Variants in KCNN2 observed in about 807,000 individuals in gnomAD.
The protein encoded by KCNN2 is small conductance calcium-activated potassium channel protein 2.
A neutral mutation model predicts 55.5 loss-of-function variants in KCNN2; 24 were observed. The ratio of observed to expected loss-of-function variants is 0.43; its 90% CI spans 0.31 to 0.61. The LOEUF (loss-of-function observed/expected upper bound fraction) is 0.61, where lower values mean the gene tolerates loss of function less well. Among genes scored for constraint, KCNN2 ranks in the 20% least tolerant of loss-of-function variants. KCNN2 has a pLI of 0.08. For synonymous variants in KCNN2, 431 were observed against 336.1 expected (o/e 1.28, Z -3.09); for missense variants, 754 against 853.6 (o/e 0.88, Z 1.45).
At chr5:114,204,338 C>T (rs1753728524) in intron 1 of KCNN2, among the ~76,000 whole-genome samples, 1 of 152,166 alleles carries the variant, frequency 6.6e-6, no homozygotes, top group Admixed American at 6.5e-5. Context: ...GCAGGAAATT[C>T]ACTTTTCCAG....
At chr5:114,167,273 AT>A (rs778873406) in intron 1 of KCNN2, among the ~76,000 whole-genome samples, 1 of 152,104 alleles carries the variant, frequency 6.6e-6, no homozygotes, top group African/African-American at 2.4e-5. Context: ...GACACATAGA[AT>A]TTTAAATAAT....
At chr5:114,391,196 A>G (rs1276137234) in intron 2 of KCNN2, among the ~76,000 whole-genome samples, 1 of 151,978 alleles carries the variant, frequency 6.6e-6, no homozygotes, top group African/African-American at 2.4e-5. Flanking sequence ...TTCCTTACCA[A>G]TTTCCCTTCC....
At chr5:114,146,668 G>C (rs1752403377) in intron 1 of KCNN2, among the ~76,000 whole-genome samples, 1 of 152,146 alleles carries the variant, frequency 6.6e-6, no homozygotes, top group African/African-American at 2.4e-5. Flanking sequence ...CCAGTGTTGA[G>C]ACAATCTCAA....
chr5:114,109,639 C>T (rs1461790503), intron 1 of KCNN2, among the ~76,000 whole-genome samples: 1 of 152,006 alleles, frequency 6.6e-6, no homozygotes, highest in Non-Finnish European at 1.5e-5. Context: ...ATTGGGAGAA[C>T]TCAGGTTTTG....
chr5:114,404,000 G>A (rs932909471), intron 2 of KCNN2, among the ~76,000 whole-genome samples: 2 of 152,142 alleles, frequency 1.3e-5, no homozygotes, highest in Non-Finnish European at 2.9e-5. Context: ...TTGCATTATA[G>A]GGTATAACTG....
intron 3 of KCNN2, among the ~76,000 whole-genome samples, chr5:114,417,642 C>T (rs996590738): frequency 6.6e-6 from 1 of 152,140 alleles, no homozygotes; most frequent in South Asian, 2.1e-4. Flanking sequence ...GAAGGTGCCA[C>T]ATTAGGCAGG....
chr5:114,423,648 T>TA lies in KCNN2; in HGVS notation c.1637+18799dup, dbSNP rs1196722706. On this transcript the variant is annotated intron_variant, in intron 3 of 7. Transcript: ENST00000673685. ...TCTTCTTGGTTGTGGGGACCATGAA[T>TA]AAAAAAATGGCATAGTGTTTGCCCT... is the stretch of plus-strand genomic sequence containing the variant. Among the ~76,000 whole-genome samples the TA allele has an allele frequency of 2.6e-5, 4 of 152,210 alleles. No individual in the cohort carries two copies. The East Asian group carries it at 7.7e-4, about 29-fold the overall frequency.
chr5:114,100,628 A>T (rs967570676), intron 1 of KCNN2, among the ~76,000 whole-genome samples: 1 of 152,088 alleles, frequency 6.6e-6, no homozygotes, highest in African/African-American at 2.4e-5. Flanking sequence ...TGCCCATCTT[A>T]AGGGCCAAGA....
chr5:114,064,864 T>C (rs1034412702), intron 1 of KCNN2, among the ~76,000 whole-genome samples: 2 of 152,152 alleles, frequency 1.3e-5, no homozygotes, highest in African/African-American at 4.8e-5. Flanking sequence ...TTATTAGTGA[T>C]AGTGAACAAA....
At chr5:114,123,489 C>G (rs140965715) in intron 1 of KCNN2, among the ~76,000 whole-genome samples, 24,124 of 114,728 alleles carry the variant, frequency 0.21, 6,887 homozygotes, top group Admixed American at 0.3. Flanking sequence ...CAGCCTCCCG[C>G]GTAGCTGGGA....
chr5:114,486,951 G>A, intron 5 of KCNN2, 99 bp from the exon 6 acceptor site: 1 of 1,404,564 alleles, frequency 7.1e-7, no homozygotes, highest in Non-Finnish European at 9.9e-7. Flanking sequence ...TGAAGCTACA[G>A]CTCACCATGA....
chr5:114,390,186 G>A (rs965853236), intron 2 of KCNN2, among the ~76,000 whole-genome samples: 1 of 152,124 alleles, frequency 6.6e-6, no homozygotes, highest in African/African-American at 2.4e-5. Flanking sequence ...TATCATTTCA[G>A]ATTAAACTTT....
chr5:114,223,738 A>G (rs1196050941), intron 2 of KCNN2, among the ~76,000 whole-genome samples: 2 of 152,168 alleles, frequency 1.3e-5, no homozygotes, highest in Non-Finnish European at 2.9e-5. Flanking sequence ...TGGTTTTTAA[A>G]GTTTAGAAGC....
intron 3 of KCNN2, among the ~76,000 whole-genome samples, chr5:114,418,836 G>A (rs1194559385): frequency 6.6e-6 from 1 of 152,170 alleles, no homozygotes; most frequent in East Asian, 1.9e-4. Flanking sequence ...AATGCACTCT[G>A]CAGATGCTGC....
chr5:114,213,398 C>CT (rs1301212417), intron 1 of KCNN2, among the ~76,000 whole-genome samples: 3,786 of 145,874 alleles, frequency 0.026, 126 homozygotes, highest in African/African-American at 0.087. Context: ...CTTGGTTTCT[C>CT]TTTTTTTTTT....
At chr5:114,430,385 T>C (rs972654073) in intron 3 of KCNN2, among the ~76,000 whole-genome samples, 4 of 152,032 alleles carry the variant, frequency 2.6e-5, no homozygotes, top group Admixed American at 6.6e-5. Context: ...ATGTAAATGG[T>C]GTTGTGTTTT....
At chr5:114,375,694 T>A (rs1023152670) in intron 2 of KCNN2, among the ~76,000 whole-genome samples, 85 of 152,044 alleles carry the variant, frequency 5.6e-4, no homozygotes, top group African/African-American at 2.0e-3. Flanking sequence ...ATCAGTAGGA[T>A]TTTAGTCAAG....
intron 2 of KCNN2, among the ~76,000 whole-genome samples, chr5:114,318,405 C>A (rs572546190): frequency 1.4e-4 from 21 of 151,792 alleles, no homozygotes; most frequent in Non-Finnish European, 2.9e-4. Context: ...GAAGGATGGC[C>A]ACTTACATAC....
intron 2 of KCNN2, among the ~76,000 whole-genome samples, chr5:114,319,847 T>G (rs1037662478): frequency 6.6e-6 from 1 of 152,226 alleles, no homozygotes; most frequent in Non-Finnish European, 1.5e-5. Context: ...TCTATAATAT[T>G]TTTATGTGCT....
Sources: gnomAD v4.1 joint callset for allele counts (sites outside exome capture counted in the v4.1 genomes callset) on GRCh38, gnomAD v4.1.1 for gene constraint, MANE v1.5 for transcripts, NCBI Gene and HGNC (gene_info 2026-07-23, HGNC 2026-07-21) for gene names.